The following GPR89B variants were observed in gnomAD, a reference collection of about 807,000 sequenced individuals.
GPR89B encodes the protein golgi pH regulator B.
Under a neutral mutation model 52.4 loss-of-function variants are expected in GPR89B, and 25 were observed. That is an observed-to-expected ratio of 0.48 (90% confidence interval 0.35 to 0.67). The LOEUF (loss-of-function observed/expected upper bound fraction) is 0.67, where lower values mean the gene tolerates loss of function less well. Ranked by LOEUF, GPR89B falls within the 30% of genes least tolerant of loss-of-function variation. The pLI, the probability that GPR89B is intolerant of heterozygous loss-of-function variation, is 0.01. For missense variants in GPR89B, 146 were observed against 450.2 expected, an observed-to-expected ratio of 0.32 and a Z score of 6.11; for synonymous variants, 52 against 151.2, an observed-to-expected ratio of 0.34 and a Z score of 4.81.
At chr1:148,017,499 C>T in the GPR89B span, among the ~76,000 whole-genome samples, 1 of 150,228 alleles carries the variant, frequency 6.7e-6, no homozygotes, top group Non-Finnish European at 1.5e-5. Context: ...CTTTGGGAGG[C>T]CGAGGTGGGT....
At chr1:147,945,595 C>G (rs139272478) in intron 5 of GPR89B, among the ~76,000 whole-genome samples, 1 of 152,046 alleles carries the variant, frequency 6.6e-6, no homozygotes, top group Admixed American at 6.6e-5. Flanking sequence ...CATTAAAGGC[C>G]GGAAAACTTA....
the GPR89B span, among the ~76,000 whole-genome samples, chr1:148,003,276 G>A: frequency 6.6e-6 from 1 of 152,080 alleles, no homozygotes; most frequent in African/African-American, 2.4e-5. Flanking sequence ...AAAGAACCTA[G>A]TGTTCTTCCT....
At chr1:148,005,829 A>G in the GPR89B span, among the ~76,000 whole-genome samples, 1 of 151,910 alleles carries the variant, frequency 6.6e-6, no homozygotes, top group Non-Finnish European at 1.5e-5. Flanking sequence ...GTGGCTGTCC[A>G]AGACCATGCT....
At chr1:148,014,038 C>T in the GPR89B span, among the ~76,000 whole-genome samples, 112 of 151,170 alleles carry the variant, frequency 7.4e-4, 4 homozygotes, top group African/African-American at 2.6e-3. Context: ...ACCTTCTCGC[C>T]CGGTAGGAAA....
intron 12 of GPR89B, among the ~76,000 whole-genome samples, chr1:147,990,190 T>A (rs1361054080): frequency 4.6e-5 from 7 of 152,254 alleles, no homozygotes; most frequent in African/African-American, 1.4e-4. Context: ...ATTGTGGTTT[T>A]GATTTGCATT....
chr1:147,977,417 T>C (rs1456735878), intron 10 of GPR89B, among the ~76,000 whole-genome samples: 2 of 151,554 alleles, frequency 1.3e-5, no homozygotes, highest in African/African-American at 2.4e-5. Context: ...GAGAATCTGA[T>C]GATTATGTGT....
intron 7 of GPR89B, among the ~76,000 whole-genome samples, chr1:147,963,121 T>C (rs2149070460): frequency 1.3e-5 from 2 of 149,254 alleles, no homozygotes; most frequent in Admixed American, 6.6e-5. Context: ...CTCACGCCTG[T>C]AATCCCAGCA....
chr1:147,939,852 C>A (rs28570973), intron 3 of GPR89B, among the ~76,000 whole-genome samples: 2 of 147,596 alleles, frequency 1.4e-5, no homozygotes, highest in African/African-American at 5.1e-5. Flanking sequence ...TAAAAAAAAT[C>A]AGCAGAGTGT....
chr1:148,025,515 C>A, the GPR89B span, among the ~76,000 whole-genome samples: 1 of 96,746 alleles, frequency 1.0e-5, no homozygotes, highest in Non-Finnish European at 1.9e-5. Context: ...AAGAACTAAA[C>A]TCTGTCTCAA....
chr1:147,949,217 C>T (rs587661868), intron 5 of GPR89B, among the ~76,000 whole-genome samples: 6 of 152,160 alleles, frequency 3.9e-5, no homozygotes, highest in African/African-American at 4.8e-5. Context: ...GCCTTTCCCC[C>T]CTTTCCATTC....
downstream of GPR89B, among the ~76,000 whole-genome samples, chr1:147,996,932 C>T (rs1251105095): frequency 0.09 from 13,476 of 149,848 alleles, 852 homozygotes; most frequent in Non-Finnish European, 0.13. Flanking sequence ...GACTGTGCTT[C>T]GTTATGGAGT....
At chr1:147,978,844 G>A (rs1204919454) in intron 10 of GPR89B, among the ~76,000 whole-genome samples, 1 of 150,614 alleles carries the variant, frequency 6.6e-6, no homozygotes, top group Admixed American at 6.6e-5. Context: ...GAAAAGGGCA[G>A]ACTGGACCTG....
chr1:147,985,635 T>G (rs1658606933), intron 10 of GPR89B, among the ~76,000 whole-genome samples: 1 of 151,184 alleles, frequency 6.6e-6, no homozygotes, highest in African/African-American at 2.5e-5. Context: ...TTGATGTGGT[T>G]GTTTTTTTTT....
the GPR89B span, among the ~76,000 whole-genome samples, chr1:148,023,503 T>G: frequency 7.2e-6 from 1 of 139,336 alleles, no homozygotes; most frequent in South Asian, 2.6e-4. Context: ...TTGTAGGTTC[T>G]TTGAGAAATC....
intron 12 of GPR89B, among the ~76,000 whole-genome samples, chr1:147,990,107 A>G (rs1344472115): frequency 2.0e-5 from 3 of 152,328 alleles, no homozygotes; most frequent in African/African-American, 7.2e-5. Flanking sequence ...CTATTTCTCC[A>G]CATCCTCTCC....
In GPR89B at chr1:147,949,395, C is replaced by A. The variant is rs587765637; in HGVS notation, c.416-3950C>A. The stretch of plus-strand genomic sequence containing the variant: ...GTGGCTGGCTGGGCGGGGGGCTGAC[C>A]CCCCCACCTCCCTCCCGGACGGGGC... On this transcript the variant is annotated intron_variant, in intron 5 of 13. Transcript: ENST00000314163. Among the ~76,000 whole-genome samples, 3 of 137,340 alleles carry A rather than the reference C, an allele frequency of 2.2e-5. No homozygotes were observed. The East Asian group carries it at 6.6e-4, about 30-fold the overall frequency. The allele number at this position is 137,340 out of a possible 152,430, so 90.1% of individuals were successfully genotyped here.
intron 10 of GPR89B, among the ~76,000 whole-genome samples, chr1:147,980,795 G>T (rs1658181708): frequency 7.1e-6 from 1 of 140,002 alleles, no homozygotes; most frequent in African/African-American, 2.7e-5. Flanking sequence ...CTCCAGCCTG[G>T]GCGACAGAGC....
intron 12 of GPR89B, among the ~76,000 whole-genome samples, chr1:147,991,452 T>C (rs1659061684): frequency 6.6e-6 from 1 of 152,122 alleles, no homozygotes; most frequent in Admixed American, 6.6e-5. Flanking sequence ...CTTTCTCCTG[T>C]CTGATTGCCC....
chr1:148,013,421 T>C, the GPR89B span, among the ~76,000 whole-genome samples: 1 of 151,990 alleles, frequency 6.6e-6, no homozygotes, highest in African/African-American at 2.4e-5. Context: ...ATTTCTTCTC[T>C]CCCCAAGACC....
Sources: allele counts gnomAD v4.1 joint callset (sites outside exome capture counted in the v4.1 genomes callset), GRCh38; gene constraint gnomAD v4.1.1; transcripts MANE v1.5; gene names NCBI Gene and HGNC (gene_info 2026-07-23, HGNC 2026-07-21).